The following TRPM4 variants were observed in gnomAD, a reference collection of about 807,000 sequenced individuals.
TRPM4 encodes transient receptor potential cation channel subfamily M member 4.
TRPM4 carries 124 observed loss-of-function variants against 135.6 expected under a neutral mutation model. The ratio of observed to expected loss-of-function variants is 0.91; its 90% CI spans 0.79 to 1.06. The LOEUF is 1.06. TRPM4 is among the 50% of genes least tolerant of loss of function. The pLI is 0.00. For missense variants in TRPM4, 1,658 were observed against 1,671.4 expected (o/e 0.99, Z 0.14); for synonymous variants, 745 against 705.6 (o/e 1.06, Z -0.88).
intron 9 of TRPM4, 83 bp downstream of exon 9, chr19:49,172,191 C>G: frequency 9.2e-7 from 1 of 1,081,332 alleles, no homozygotes. Context: ...CATCCACCCT[C>G]TCTAATCCAA....
chr19:49,169,931 G>A (rs905083172), intron 6 of TRPM4, among the ~76,000 whole-genome samples: 2 of 152,050 alleles, frequency 1.3e-5, no homozygotes, highest in Admixed American at 6.6e-5. Context: ...TTTGATTTTT[G>A]TGTATTTTTC....
Position 49,210,039 on chromosome 19 carries a change from G to A in TRPM4, c.3132-170G>A, listed in dbSNP as rs1356195904. 1.3e-5 allele frequency among the ~76,000 whole-genome samples: 2 copies of A among 152,102 alleles called. No homozygotes were observed. The highest frequency in any genetic ancestry group is 2.4e-5 in the African/African-American group (1 of 41,408). ...GCTGGGACTACAGGCGTGACCAAAC[G>A]CCCTTGGCTCTAACCTGACTTCTAA... On this transcript the variant is annotated intron_variant, in intron 20 of 24. Transcript: ENST00000252826. The surrounding 1 kb of genome is among the most constrained non-coding windows in gnomAD (Gnocchi z 4.1).
In TRPM4 at chr19:49,182,715, G is replaced by A. The variant is rs2122935057; in HGVS notation, c.1401G>A (p.Ala467=). The change falls in exon 11 of 25, where the codon GCG becomes GCA. Residue 467 remains alanine, a synonymous_variant. Coordinates refer to ENST00000252826, the MANE Select transcript of TRPM4 (RefSeq NM_017636.4). ...PMRLAQLYSA[A]PSNSLIRNLL... is the part of the protein sequence containing the mutation. Reference sequence around the variant, plus strand: ...GCCTGGCCCAACTCTACAGCGCGGCGCCCTCCAACTCGCTCATCCGCAACC... The same window carrying A: ...GCCTGGCCCAACTCTACAGCGCGGCACCCTCCAACTCGCTCATCCGCAACC... 1.2e-6 allele frequency: 2 copies of A among 1,614,174 alleles called. No individual in the cohort carries two copies. The highest frequency in any genetic ancestry group is 1.6e-4 in the Middle Eastern group (1 of 6,062).
intron 17 of TRPM4, among the ~76,000 whole-genome samples, chr19:49,198,412 C>T (rs1042452584): frequency 7.9e-5 from 12 of 151,820 alleles, no homozygotes; most frequent in African/African-American, 2.4e-4. Context: ...TTTGGGAGGC[C>T]GAGGCGGGTG....
intron 16 of TRPM4, among the ~76,000 whole-genome samples, chr19:49,196,239 C>T (rs1968630190): frequency 6.6e-6 from 1 of 152,148 alleles, no homozygotes; most frequent in Admixed American, 6.5e-5. Flanking sequence ...TCGGCTCAAG[C>T]GATCAATCCA....
At chr19:49,205,286 T>C (rs2145982469) in intron 20 of TRPM4, among the ~76,000 whole-genome samples, 1 of 152,256 alleles carries the variant, frequency 6.6e-6, no homozygotes, top group South Asian at 2.1e-4. Context: ...GCCCCTCCTG[T>C]CACGTCTAGT....
chr19:49,192,117 A>G (rs149326186), intron 16 of TRPM4, among the ~76,000 whole-genome samples: 1 of 152,318 alleles, frequency 6.6e-6, no homozygotes, highest in South Asian at 2.1e-4. Flanking sequence ...GCCTAAGCAA[A>G]TGAAATAGAA....
intron 6 of TRPM4, among the ~76,000 whole-genome samples, chr19:49,169,571 G>A (rs900894233): frequency 6.6e-5 from 10 of 151,224 alleles, no homozygotes; most frequent in African/African-American, 2.2e-4. Context: ...GTGAGCCACC[G>A]CGCCCGGCCT....
intron 12 of TRPM4, among the ~76,000 whole-genome samples, chr19:49,183,775 CTTTTTT>C (rs112249914): frequency 7.3e-5 from 9 of 124,136 alleles, no homozygotes; most frequent in African/African-American, 8.6e-5. Context: ...TTTTCTTTTT[CTTTTTT>C]TTTTTTTTTT....
rs752192712 is a variant in TRPM4, at chr19:49,202,671, A to G, written c.3131+530A>G. ...TAGTGGCAAGTTCTCAGCTCACTGC[A>G]ACCTCCACTTCCCACTCCCCCATAC... On this transcript the variant is annotated intron_variant, in intron 20 of 24. Transcript: ENST00000252826. Among the ~76,000 whole-genome samples, 72 of 151,870 alleles carry G rather than the reference A, an allele frequency of 4.7e-4. 1 individual carries two copies. Among genetic ancestry groups the G allele is most frequent in the Admixed American group, 1.1e-3 (16 of 15,228 alleles).
intron 14 of TRPM4, 144 bp from the exon 15 acceptor site, chr19:49,190,064 C>G (rs1158293727): frequency 2.4e-5 from 18 of 752,002 alleles, no homozygotes; most frequent in East Asian, 7.4e-5. Flanking sequence ...TTGCCTTTCA[C>G]CACCGTTTCC....
intron 17 of TRPM4, among the ~76,000 whole-genome samples, chr19:49,198,666 A>AC (rs1260403749): frequency 6.6e-6 from 1 of 151,550 alleles, no homozygotes; most frequent in Admixed American, 6.6e-5. Context: ...AAAAAAAAAA[A>AC]AAGGGAGAAA....
At chr19:49,184,637 G>A (rs866638838) in intron 12 of TRPM4, among the ~76,000 whole-genome samples, 11 of 151,162 alleles carry the variant, frequency 7.3e-5, no homozygotes, top group Non-Finnish European at 1.6e-4. Flanking sequence ...CCGCCACCAC[G>A]CCCAGCTAAT....
intron 9 of TRPM4, among the ~76,000 whole-genome samples, chr19:49,178,754 A>T (rs536340453): frequency 2.5e-4 from 33 of 129,738 alleles, no homozygotes; most frequent in South Asian, 2.4e-3. Context: ...TATTATTATT[A>T]TTTTTATTTT....
rs1969290039 is a variant in TRPM4 at position 49,210,084 on chromosome 19, A to G, written c.3132-125A>G. ...TTCTAATCGCATCCTGTAACCTCTG[A>G]CTTTAGTGATCTTGACTTCTGTCTG... On this transcript the variant is annotated intron_variant, in intron 20 of 24. Transcript: ENST00000252826. This position sits in a 1 kb window ranked among gnomAD's most constrained non-coding sequence, Gnocchi z 4.1. 7 of 1,072,660 alleles carry G rather than the reference A, an allele frequency of 6.5e-6. No individual in the cohort carries two copies. The Admixed American group carries it at 1.1e-4, about 16-fold the overall frequency. 66.4% of individuals were successfully genotyped at this position (1,072,660 alleles called of 1,614,324 possible).
chr19:49,189,560 TAAAC>T (rs1001148452), intron 14 of TRPM4, among the ~76,000 whole-genome samples: 3 of 151,016 alleles, frequency 2.0e-5, no homozygotes, highest in Middle Eastern at 3.4e-3. Context: ...TTTTTGGACA[TAAAC>T]AAACTTTGGT....
chr19:49,199,170 G>A (rs548220627), intron 17 of TRPM4, among the ~76,000 whole-genome samples: 2 of 151,480 alleles, frequency 1.3e-5, no homozygotes, highest in Non-Finnish European at 2.9e-5. Flanking sequence ...TATAATTTAT[G>A]CACTCTTGAC....
intron 5 of TRPM4, 40 bp from the exon 6 acceptor site, chr19:49,168,513 C>G: frequency 1.2e-6 from 2 of 1,613,716 alleles, no homozygotes; most frequent in Non-Finnish European, 1.7e-6. Context: ...CCTTCTGGCC[C>G]CGATGAGGAG....
intron 12 of TRPM4, among the ~76,000 whole-genome samples, chr19:49,185,095 C>G (rs747311005): frequency 4.6e-5 from 7 of 151,884 alleles, no homozygotes; most frequent in Non-Finnish European, 1.0e-4. Context: ...TCATGATTTC[C>G]TTTAGCTCTT....
Sources: allele counts gnomAD v4.1 joint callset (sites outside exome capture counted in the v4.1 genomes callset), GRCh38; gene constraint gnomAD v4.1.1; non-coding constraint Gnocchi (gnomAD v3.1); transcripts MANE v1.5; gene names NCBI Gene and HGNC (gene_info 2026-07-23, HGNC 2026-07-21).